The following FMN1 variants were observed in gnomAD, a reference collection of about 807,000 sequenced individuals.
FMN1 encodes the protein formin-1.
A neutral mutation model predicts 132.4 loss-of-function variants in FMN1; 110 were observed. The observed-to-expected ratio is 0.83, with a 90% CI of 0.71 to 0.97. The LOEUF is 0.97. FMN1 is among the 50% of genes least tolerant of loss of function. The probability of loss-of-function intolerance (pLI) is 0.00; values close to 1 mark genes in which losing one functional copy is unlikely to be tolerated. For missense variants in FMN1, 1,792 were observed against 1,705.3 expected, an observed-to-expected ratio of 1.05 and a Z score of -0.90; for synonymous variants, 722 against 651.7, an observed-to-expected ratio of 1.11 and a Z score of -1.64.
At chr15:33,053,844 A>G (rs2037092738) in intron 6 of FMN1, among the ~76,000 whole-genome samples, 1 of 152,186 alleles carries the variant, frequency 6.6e-6, no homozygotes, top group South Asian at 2.1e-4. Flanking sequence ...TCGTTAACTC[A>G]GAAACTCTCC....
intron 9 of FMN1, among the ~76,000 whole-genome samples, chr15:32,955,626 CA>C (rs2061748612): frequency 6.6e-6 from 1 of 152,120 alleles, no homozygotes; most frequent in South Asian, 2.1e-4. Context: ...GGCGAGACTT[CA>C]AAACTTCCCT....
In FMN1 at chr15:32,773,598, T is replaced by C. The variant is rs1306287726; in HGVS notation, c.*712A>G. 2 of 152,116 alleles carry C rather than the reference T, an allele frequency of 1.3e-5. No individual in the cohort carries two copies. The highest frequency in any genetic ancestry group is 2.9e-5 in the Non-Finnish European group (2 of 68,046). The allele number at this position is 152,116 out of a possible 1,614,324, so 9.4% of individuals were successfully genotyped here. A position where few individuals can be genotyped will look rare whatever the true frequency, so the allele number is the denominator to read the frequency against. On this transcript the variant is annotated 3_prime_UTR_variant, in exon 21 of 21. Transcript: ENST00000616417. ...CAAAGGACCGATGTAAAAACAAGAATGGGCCTCACTTAACAACTGATGTCA... is the reference window on the plus strand; with the variant it reads ...CAAAGGACCGATGTAAAAACAAGAACGGGCCTCACTTAACAACTGATGTCA...
At chr15:33,067,364 G>GAT in intron 5 of FMN1, 3 of 1,613,976 alleles carry the variant, frequency 1.9e-6, no homozygotes, top group Non-Finnish European at 2.5e-6. Flanking sequence ...AGATGGCTCA[G>GAT]ATAAAACACC....
intron 5 of FMN1, among the ~76,000 whole-genome samples, chr15:33,079,987 ATTCT>A (rs1055971721): frequency 2.6e-5 from 4 of 152,196 alleles, no homozygotes; most frequent in South Asian, 2.1e-4. Context: ...TCTGTCTCTC[ATTCT>A]TTTTCTCTTA....
Position 32,776,839 on chromosome 15 carries a change from C to A in FMN1, c.4211G>T (p.Ser1404Ile). The part of the protein sequence containing the change: ...VETKKINPTA[S>I]LKERLRQKEA... ...ATGTTGAAAAATATATCTCACCAGG[C>A]TAGCAGTGGGATTGATTTTCTTTGT... Residue 1404 changes from serine (S) to isoleucine (I), a missense_variant, in exon 20 of 21, where the codon AGC becomes ATC. Transcript: ENST00000616417. The A allele has an allele frequency of 6.4e-7, 1 of 1,569,388 alleles. No homozygotes were observed.
intron 2 of FMN1, among the ~76,000 whole-genome samples, chr15:33,191,454 C>T (rs1566974035): frequency 6.6e-6 from 1 of 152,176 alleles, no homozygotes; most frequent in East Asian, 1.9e-4. Context: ...CATTTCAGGC[C>T]AGTGGGGAGG....
At chr15:32,818,570 A>T (rs1429606177) in intron 17 of FMN1, among the ~76,000 whole-genome samples, 1 of 152,234 alleles carries the variant, frequency 6.6e-6, no homozygotes, top group Non-Finnish European at 1.5e-5. Flanking sequence ...AATGTTTTAC[A>T]TGGCTACCAG....
At chr15:32,921,153 T>A (rs1338112963) in intron 10 of FMN1, among the ~76,000 whole-genome samples, 1 of 152,136 alleles carries the variant, frequency 6.6e-6, no homozygotes, top group Non-Finnish European at 1.5e-5. Flanking sequence ...ATGACCTGTA[T>A]TAGGGTGGGA....
At chr15:32,908,603 C>CAAAAAAAAAAAAAAAAAAAAAA in intron 11 of FMN1, 25 bp from the exon 12 acceptor site, 1 of 600,922 alleles carries the variant, frequency 1.7e-6, no homozygotes, top group Non-Finnish European at 2.5e-6. Flanking sequence ...AAAACAAAAC[C>CAAAAAAAAAAAAAAAAAAAAAA]AAAAAAAAAA....
At chr15:33,073,084 C>T (rs939448182) in intron 5 of FMN1, among the ~76,000 whole-genome samples, 3 of 152,138 alleles carry the variant, frequency 2.0e-5, no homozygotes, top group Admixed American at 1.3e-4. Flanking sequence ...TTTTAAATAT[C>T]GTTTTGCGAA....
At chr15:33,137,733 G>A (rs1157044997) in intron 4 of FMN1, among the ~76,000 whole-genome samples, 1 of 152,154 alleles carries the variant, frequency 6.6e-6, no homozygotes. Context: ...AGACATCAGA[G>A]CTAAGAGGGG....
At chr15:32,928,616 G>A (rs887617488) in intron 9 of FMN1, among the ~76,000 whole-genome samples, 6 of 152,140 alleles carry the variant, frequency 3.9e-5, no homozygotes, top group Non-Finnish European at 2.9e-5. Context: ...ACTAACTGGA[G>A]TGCAAATTCA....
intron 4 of FMN1, among the ~76,000 whole-genome samples, chr15:33,107,584 GGT>G (rs1240003897): frequency 6.6e-6 from 1 of 151,990 alleles, no homozygotes; most frequent in African/African-American, 2.4e-5. Flanking sequence ...CATTTACACT[GGT>G]GTTTTCTTGG....
intron 17 of FMN1, among the ~76,000 whole-genome samples, chr15:32,842,960 T>A (rs540486951): frequency 1.3e-5 from 2 of 152,060 alleles, no homozygotes; most frequent in South Asian, 4.2e-4. Context: ...ACCCTGTCTC[T>A]ACTAAAAATA....
rs1763796976 is a variant in FMN1, at chr15:33,153,068, G to C, written c.1847C>G (p.Pro616Arg). 2 of 1,530,074 alleles carry C rather than the reference G, an allele frequency of 1.3e-6. No individual in the cohort carries two copies. Among genetic ancestry groups the C allele is most frequent in the Non-Finnish European group, 8.7e-7 (1 of 1,144,344 alleles). 94.8% of individuals were successfully genotyped at this position (1,530,074 alleles called of 1,614,324 possible). The stretch of plus-strand genomic sequence containing the variant: ...CTAACCTGGAGGTGACTGGTGCTGG[G>C]GCTCAGCTGTGGTCTTCCCTGGCCC... ...SLGPGKTTAEPQHQSPPGISS... is the reference protein window; with the variant it reads ...SLGPGKTTAERQHQSPPGISS... The change falls in exon 4 of 21, where the codon CCC (proline) becomes CGC (arginine). Residue 616 changes from proline (P) to arginine (R), a missense_variant. This residue lies in a region of FMN1 where 1,150 missense variants were observed against 1,043.1 expected (regional missense o/e 1.10). Coordinates refer to ENST00000616417, the MANE Select transcript of FMN1 (RefSeq NM_001277313.2).
intron 7 of FMN1, among the ~76,000 whole-genome samples, chr15:32,978,431 T>G (rs2032385698): frequency 6.6e-6 from 1 of 152,212 alleles, no homozygotes; most frequent in South Asian, 2.1e-4. Flanking sequence ...AATGGATATA[T>G]ATCCATGGAA....
chr15:33,183,874 A>G (rs1480186184), intron 2 of FMN1, among the ~76,000 whole-genome samples: 1 of 152,190 alleles, frequency 6.6e-6, no homozygotes, highest in Non-Finnish European at 1.5e-5. Flanking sequence ...TCTTTCAAGA[A>G]AGAAAGTCAA....
intron 6 of FMN1, among the ~76,000 whole-genome samples, chr15:33,060,481 GTTTA>G (rs1566877573): frequency 1.3e-5 from 2 of 152,110 alleles, no homozygotes; most frequent in Non-Finnish European, 1.5e-5. Context: ...TTGAGGAATG[GTTTA>G]TTTCTCTATT....
intron 11 of FMN1, 25 bp from the exon 12 acceptor site, chr15:32,908,603 C>CAAA (rs71424680): frequency 1.5e-3 from 927 of 601,176 alleles, no homozygotes; most frequent in African/African-American, 2.6e-3. Flanking sequence ...AAAACAAAAC[C>CAAA]AAAAAAAAAA....
Sources: gnomAD v4.1 joint callset for allele counts (sites outside exome capture counted in the v4.1 genomes callset) on GRCh38, gnomAD v4.1.1 for gene constraint, gnomAD v4.1.1 regional missense constraint, MANE v1.5 for transcripts, NCBI Gene and HGNC (gene_info 2026-07-23, HGNC 2026-07-21) for gene names.